The following SUMF1 variants were observed in gnomAD, a reference collection of about 807,000 sequenced individuals.
SUMF1 encodes the protein formylglycine-generating enzyme.
In SUMF1, 48 loss-of-function variants were observed where a neutral mutation model predicts 47.6. The ratio of observed to expected loss-of-function variants is 1.01; its 90% confidence interval spans 0.80 to 1.28. The LOEUF (loss-of-function observed/expected upper bound fraction) is 1.28, where lower values mean the gene tolerates loss of function less well. Ranked by LOEUF, SUMF1 falls within the 50% of genes most tolerant of loss-of-function variation. The probability of loss-of-function intolerance (pLI) is 0.00; values close to 1 mark genes in which losing one functional copy is unlikely to be tolerated. For synonymous variants in SUMF1, 230 were observed against 192.1 expected (o/e 1.20, Z -1.63); for missense variants, 571 against 485.4 (o/e 1.18, Z -1.66).
At chr3:4,281,092 C>T (rs1052720245) in intron 8 of SUMF1, among the ~76,000 whole-genome samples, 4 of 152,042 alleles carry the variant, frequency 2.6e-5, no homozygotes, top group Non-Finnish European at 5.9e-5. Flanking sequence ...AATGGAAAAG[C>T]AGGGACTGGG....
intron 9 of SUMF1, among the ~76,000 whole-genome samples, chr3:4,043,813 G>C (rs567073787): frequency 1.2e-3 from 189 of 152,220 alleles, no homozygotes; most frequent in African/African-American, 4.2e-3. Context: ...CTCTAAATTT[G>C]TAAACTATTC....
intron 8 of SUMF1, among the ~76,000 whole-genome samples, chr3:4,315,422 C>G (rs1311040650): frequency 6.6e-6 from 1 of 152,156 alleles, no homozygotes; most frequent in Non-Finnish European, 1.5e-5. Flanking sequence ...GGACAATCTT[C>G]CATTCAGAGA....
chr3:4,302,016 A>G (rs964728165), intron 8 of SUMF1, among the ~76,000 whole-genome samples: 2 of 152,204 alleles, frequency 1.3e-5, no homozygotes, highest in African/African-American at 4.8e-5. Flanking sequence ...GAAAACAACA[A>G]GAGGATACTA....
At chr3:4,072,085 C>A (rs1221435866) in intron 8 of SUMF1, among the ~76,000 whole-genome samples, 1 of 152,120 alleles carries the variant, frequency 6.6e-6, no homozygotes, top group Non-Finnish European at 1.5e-5. Flanking sequence ...GACAAATTTT[C>A]CAGAGTAAGG....
Position 4,420,128 on chromosome 3 carries a change from A to T in SUMF1, c.538T>A (p.Trp180Arg), listed in dbSNP as rs1359393370. The T allele has an allele frequency of 1.9e-6, 3 of 1,613,944 alleles. No individual in the cohort carries two copies. Among genetic ancestry groups the T allele is most frequent in the Non-Finnish European group, 2.5e-6 (3 of 1,180,008 alleles). The change falls in exon 4 of 9, where the codon TGG becomes AGG. Residue 180 changes from tryptophan to arginine, a missense_variant. By Grantham distance (101) the Trp-to-Arg change is moderately radical. Coordinates refer to ENST00000272902, the MANE Select transcript of SUMF1 (RefSeq NM_182760.4). ...IQQAVAAAPW[W>R]LPVKGANWRH... ...CAGTTAGCGCCTTTCACAGGTAACC[A>T]CCAGGGAGCAGCTGCAACCTCAAAG...
chr3:4,317,060 C>A (rs750622029), intron 8 of SUMF1: 1 of 1,549,242 alleles, frequency 6.5e-7, no homozygotes, highest in Non-Finnish European at 8.7e-7. Flanking sequence ...TGCCAACCAA[C>A]TACCACGTCT....
rs1183630498 is a variant in SUMF1, at chr3:4,140,521, CCTTT to C, written c.1015-71780_1015-71777del. On this transcript the variant is annotated intron_variant and NMD_transcript_variant, in intron 8 of 12. Coordinates refer to the SUMF1 transcript ENST00000448413. ...TCAGTGCCCTTTGGACTCATCTGTT[CCTTT>C]CTTTCTTTCCTGCTGAAATAAAGAG... Among the ~76,000 whole-genome samples, 9 of 152,028 alleles carry C rather than the reference CCTTT, an allele frequency of 5.9e-5. No individual in the cohort carries two copies. The South Asian group carries it at 6.3e-4, about 11-fold the overall frequency.
chr3:4,429,329 C>T (rs1490839001), intron 3 of SUMF1, among the ~76,000 whole-genome samples: 1 of 152,220 alleles, frequency 6.6e-6, no homozygotes, highest in African/African-American at 2.4e-5. Context: ...AGGTTCCTTA[C>T]ATTGCTAGTA....
intron 8 of SUMF1, among the ~76,000 whole-genome samples, chr3:4,131,577 T>A (rs1693790460): frequency 6.6e-6 from 1 of 152,158 alleles, no homozygotes; most frequent in South Asian, 2.1e-4. Flanking sequence ...GAAGTGCATA[T>A]GGAATGGCCA....
intron 8 of SUMF1, among the ~76,000 whole-genome samples, chr3:4,141,871 T>C (rs1694078295): frequency 6.6e-6 from 1 of 152,068 alleles, no homozygotes; most frequent in Non-Finnish European, 1.5e-5. Flanking sequence ...TTGGGACCTT[T>C]TCCACTCATC....
chr3:4,350,273 T>G (rs1016511386), intron 8 of SUMF1, among the ~76,000 whole-genome samples: 1 of 151,990 alleles, frequency 6.6e-6, no homozygotes, highest in African/African-American at 2.4e-5. Flanking sequence ...CTGCCCACCT[T>G]GGCCTCCCAA....
chr3:4,139,637 T>C (rs1694028980), intron 8 of SUMF1, among the ~76,000 whole-genome samples: 1 of 151,546 alleles, frequency 6.6e-6, no homozygotes, highest in Non-Finnish European at 1.5e-5. Context: ...GTTAATCATT[T>C]ACCAGGGCAC....
At chr3:4,182,322 T>C (rs371646302) in intron 8 of SUMF1, among the ~76,000 whole-genome samples, 14 of 151,620 alleles carry the variant, frequency 9.2e-5, no homozygotes, top group African/African-American at 3.4e-4. Context: ...TTGGCATTTA[T>C]AGAGCACTGT....
At chr3:4,228,725 C>T (rs1696232057) in intron 8 of SUMF1, among the ~76,000 whole-genome samples, 1 of 152,096 alleles carries the variant, frequency 6.6e-6, no homozygotes, top group Non-Finnish European at 1.5e-5. Flanking sequence ...ACTGTAAATT[C>T]TTAGAACCCT....
intron 4 of SUMF1, among the ~76,000 whole-genome samples, chr3:4,419,860 T>C (rs1194859668): frequency 6.6e-6 from 1 of 152,226 alleles, no homozygotes; most frequent in African/African-American, 2.4e-5. Context: ...AGGCCACTAA[T>C]TAAGAGCTTT....
chr3:4,369,208 A>G lies in SUMF1; in HGVS notation c.1015-6954T>C, dbSNP rs544870017. On this transcript the variant is annotated intron_variant, in intron 8 of 8. Coordinates refer to ENST00000272902, the MANE Select transcript of SUMF1 (RefSeq NM_182760.4). ...TTCTATAGATAGTGAAATGATAGCAACCAATTTTCTCATTTTCCTTGTGGT... is the reference window on the plus strand; with the variant it reads ...TTCTATAGATAGTGAAATGATAGCAGCCAATTTTCTCATTTTCCTTGTGGT... Among the ~76,000 whole-genome samples the G allele has an allele frequency of 5.2e-4, 79 of 152,336 alleles. 1 individual carries two copies. Among genetic ancestry groups the G allele is most frequent in the African/African-American group, 1.9e-3 (77 of 41,558 alleles).
chr3:4,316,046 CAAAAA>C (rs774059331), intron 8 of SUMF1, among the ~76,000 whole-genome samples: 1 of 76,882 alleles, frequency 1.3e-5, no homozygotes, highest in Non-Finnish European at 2.7e-5. Flanking sequence ...GACTCTGTCT[CAAAAA>C]AAAAAAAAAA....
chr3:4,337,356 C>T (rs1012991983), intron 8 of SUMF1, among the ~76,000 whole-genome samples: 1 of 152,100 alleles, frequency 6.6e-6, no homozygotes, highest in East Asian at 1.9e-4. Flanking sequence ...CTTCCTGCAG[C>T]CAGCTGCCCA....
chr3:4,109,875 C>T (rs896415889), intron 8 of SUMF1, among the ~76,000 whole-genome samples: 1 of 152,072 alleles, frequency 6.6e-6, no homozygotes, highest in Non-Finnish European at 1.5e-5. Context: ...TTCAAACTTC[C>T]TCCTTTAGCT....
Sources: allele counts gnomAD v4.1 joint callset (sites outside exome capture counted in the v4.1 genomes callset), GRCh38; gene constraint gnomAD v4.1.1; transcripts MANE v1.5; gene names NCBI Gene and HGNC (gene_info 2026-07-23, HGNC 2026-07-21).